EVA1C: variants seen among roughly 807,000 people sequenced by gnomAD.
The protein encoded by EVA1C is eva-1 homolog C.
Under a neutral mutation model 45.4 loss-of-function variants are expected in EVA1C, and 25 were observed. The observed-to-expected ratio is 0.55, with a 90% CI of 0.40 to 0.77. EVA1C has a LOEUF of 0.77. Ranked by LOEUF, EVA1C falls within the 30% of genes least tolerant of loss-of-function variation. The pLI is 0.00. For missense variants in EVA1C, 479 were observed against 554.8 expected, an observed-to-expected ratio of 0.86 and a Z score of 1.37; for synonymous variants, 190 against 221.2, an observed-to-expected ratio of 0.86 and a Z score of 1.25.
At position 32,464,225 on chromosome 21, in the gene EVA1C, C is replaced by T. The variant is rs77242618; in HGVS notation, c.482-3471C>T. The stretch of plus-strand genomic sequence containing the variant: ...TTCCAGTGAGTGGGTAAAGGGCCTT[C>T]GAGACATTTGCTTAGTCACCATTTT... On this transcript the variant is annotated intron_variant, in intron 3 of 7. Coordinates refer to ENST00000300255, the MANE Select transcript of EVA1C (RefSeq NM_058187.5). Among the ~76,000 whole-genome samples the T allele has an allele frequency of 6.4e-3, 968 of 152,280 alleles. 18 individuals carry two copies. Among genetic ancestry groups the T allele is most frequent in the Admixed American group, 0.036 (548 of 15,282 alleles).
At chr21:32,449,603 CTTTCG>C (rs370866858) in intron 1 of EVA1C, among the ~76,000 whole-genome samples, 20 of 150,334 alleles carry the variant, frequency 1.3e-4, no homozygotes, top group African/African-American at 4.9e-4. Flanking sequence ...GCCTAGGTTT[CTTTCG>C]TTTTTTGTTT....
intron 7 of EVA1C, among the ~76,000 whole-genome samples, chr21:32,509,596 A>C (rs1016222118): frequency 1.1e-4 from 17 of 152,184 alleles, no homozygotes; most frequent in African/African-American, 4.1e-4. Context: ...CAGGGATGGC[A>C]CTGGGGATTT....
At chr21:32,427,409 T>C (rs544152800) in intron 1 of EVA1C, among the ~76,000 whole-genome samples, 45 of 152,300 alleles carry the variant, frequency 3.0e-4, no homozygotes, top group Non-Finnish European at 5.4e-4. Context: ...CCGCTGGGTA[T>C]AGACAGTGTT....
At chr21:32,505,829 C>A (rs1256301873) in intron 7 of EVA1C, among the ~76,000 whole-genome samples, 1 of 152,130 alleles carries the variant, frequency 6.6e-6, no homozygotes, top group Non-Finnish European at 1.5e-5. Context: ...CCCCTTATGG[C>A]CTCCTTTAAC....
intron 1 of EVA1C, among the ~76,000 whole-genome samples, chr21:32,417,938 T>C (rs1332739356): frequency 2.6e-5 from 4 of 151,992 alleles, no homozygotes; most frequent in African/African-American, 9.7e-5. Flanking sequence ...GCAGCTAGAG[T>C]TGAGGACACC....
intron 1 of EVA1C, among the ~76,000 whole-genome samples, chr21:32,418,128 G>C (rs575825716): frequency 2.0e-5 from 3 of 152,276 alleles, no homozygotes; most frequent in African/African-American, 7.2e-5. Flanking sequence ...GCACAGCCAT[G>C]CAAACACACG....
At chr21:32,505,994 G>T (rs2037711352) in intron 7 of EVA1C, among the ~76,000 whole-genome samples, 1 of 151,992 alleles carries the variant, frequency 6.6e-6, no homozygotes, top group Non-Finnish European at 1.5e-5. Flanking sequence ...CAGCGGCAGG[G>T]CCAGGATTCA....
chr21:32,484,603 G>A (rs1410521173), intron 4 of EVA1C, among the ~76,000 whole-genome samples: 1 of 151,960 alleles, frequency 6.6e-6, no homozygotes, highest in Non-Finnish European at 1.5e-5. Flanking sequence ...ACTCACATGT[G>A]TCACCCGGGG....
intron 4 of EVA1C, among the ~76,000 whole-genome samples, chr21:32,471,395 C>T (rs553116733): frequency 1.2e-3 from 174 of 150,054 alleles, no homozygotes; most frequent in Non-Finnish European, 2.2e-3. Flanking sequence ...GGCACGATCT[C>T]GGCTCACTGC....
intron 4 of EVA1C, among the ~76,000 whole-genome samples, chr21:32,481,875 A>C (rs960091668): frequency 5.3e-5 from 8 of 152,174 alleles, no homozygotes. Context: ...TTGGGGCCTG[A>C]ATATTTAGTT....
At chr21:32,487,676 C>T (rs1047349079) in intron 4 of EVA1C, among the ~76,000 whole-genome samples, 10 of 151,142 alleles carry the variant, frequency 6.6e-5, no homozygotes, top group African/African-American at 1.9e-4. Flanking sequence ...GCCAAAATCG[C>T]GCCATTGCCC....
chr21:32,468,394 A>AC (rs1555864064), intron 4 of EVA1C, among the ~76,000 whole-genome samples: 3 of 151,030 alleles, frequency 2.0e-5, no homozygotes, highest in Admixed American at 2.0e-4. Context: ...AAACAAACAA[A>AC]AAAACAAAAC....
At chr21:32,446,903 C>T (rs1339269241) in intron 1 of EVA1C, among the ~76,000 whole-genome samples, 1 of 152,224 alleles carries the variant, frequency 6.6e-6, no homozygotes, top group African/African-American at 2.4e-5. Flanking sequence ...GGCACAGCCT[C>T]CTGCCTTTCC....
At chr21:32,472,986 C>T (rs533201919) in intron 4 of EVA1C, among the ~76,000 whole-genome samples, 2 of 152,354 alleles carry the variant, frequency 1.3e-5, no homozygotes, top group South Asian at 4.1e-4. Flanking sequence ...GCCCTTCTTG[C>T]CCTGTGCTCT....
rs141602600 is a variant in EVA1C at position 32,515,046 on chromosome 21, T to C, written c.1182T>C (p.Cys394=). The change falls in exon 8 of 8, where the codon TGT becomes TGC. Residue 394 remains cysteine (C), a synonymous_variant. Coordinates refer to ENST00000300255, the MANE Select transcript of EVA1C (RefSeq NM_058187.5). The part of the protein sequence containing the change: ...SDFPGELSGF[C]RTSYPIYSSI... ...TCCCAGGGGAACTGTCGGGGTTCTGTAGGACTTCATATCCTATATACAGTT... is the reference window on the plus strand; with the variant it reads ...TCCCAGGGGAACTGTCGGGGTTCTGCAGGACTTCATATCCTATATACAGTT... 444 of 1,614,136 alleles carry C rather than the reference T, an allele frequency of 2.8e-4. 5 individuals carry two copies. In the African/African-American group the frequency reaches 5.5e-3, roughly 20 times the overall value.
chr21:32,450,910 T>C (rs1428305560), intron 1 of EVA1C, among the ~76,000 whole-genome samples: 1 of 152,210 alleles, frequency 6.6e-6, no homozygotes, highest in Non-Finnish European at 1.5e-5. Flanking sequence ...TAGATTTTGC[T>C]TCTCTAAGTG....
At chr21:32,503,803 T>G (rs1044166267) in intron 6 of EVA1C, 123 bp from the exon 7 acceptor site, 13 of 634,106 alleles carry the variant, frequency 2.1e-5, no homozygotes, top group African/African-American at 5.6e-5. Flanking sequence ...GAGGCCCATT[T>G]GTTTGATTTC....
intron 7 of EVA1C, among the ~76,000 whole-genome samples, chr21:32,506,593 A>G (rs561230825): frequency 4.6e-5 from 7 of 152,134 alleles, no homozygotes; most frequent in Non-Finnish European, 5.9e-5. Flanking sequence ...GCCCTAGTAG[A>G]ACAGGTGCCT....
chr21:32,445,549 C>T (rs1478086198), intron 1 of EVA1C, among the ~76,000 whole-genome samples: 7 of 152,038 alleles, frequency 4.6e-5, no homozygotes, highest in Admixed American at 3.3e-4. Context: ...AGTATGGGGC[C>T]CCAAGATTTA....
Sources: gnomAD v4.1 joint callset for allele counts (sites outside exome capture counted in the v4.1 genomes callset) on GRCh38, gnomAD v4.1.1 for gene constraint, MANE v1.5 for transcripts, NCBI Gene and HGNC (gene_info 2026-07-23, HGNC 2026-07-21) for gene names.